Variants in TNS3 observed in about 807,000 individuals in gnomAD.
TNS3 encodes tensin 3.
Under a neutral mutation model 140.9 loss-of-function variants are expected in TNS3, and 45 were observed. That is an observed-to-expected ratio of 0.32 (90% CI 0.25 to 0.41). The LOEUF (loss-of-function observed/expected upper bound fraction) is 0.41, where lower values mean the gene tolerates loss of function less well. Ranked by LOEUF, TNS3 falls within the 10% of genes least tolerant of loss-of-function variation. TNS3 has a pLI of 1.00. For synonymous variants in TNS3, 815 were observed against 788.4 expected, an observed-to-expected ratio of 1.03 and a Z score of -0.56; for missense variants, 1,716 against 1,906.7, an observed-to-expected ratio of 0.90 and a Z score of 1.86.
At chr7:47,424,388 G>A (rs1032648157) in intron 9 of TNS3, among the ~76,000 whole-genome samples, 29 of 152,150 alleles carry the variant, frequency 1.9e-4, no homozygotes, top group African/African-American at 7.0e-4. Flanking sequence ...CTCAAAGTGG[G>A]AGCCATAGTG....
chr7:47,569,608 C>CT (rs1562862042), intron 1 of TNS3, among the ~76,000 whole-genome samples: 1 of 151,974 alleles, frequency 6.6e-6, no homozygotes, highest in African/African-American at 2.4e-5. Context: ...AATCCTAACA[C>CT]TTTGGGAGGC....
chr7:47,549,020 AG>A (rs1405104609), intron 1 of TNS3, among the ~76,000 whole-genome samples: 1 of 152,134 alleles, frequency 6.6e-6, no homozygotes, highest in Non-Finnish European at 1.5e-5. Flanking sequence ...AGCCCCAAAA[AG>A]GCCCAGTTCC....
At chr7:47,482,244 G>A (rs1797447676) in intron 3 of TNS3, among the ~76,000 whole-genome samples, 1 of 152,180 alleles carries the variant, frequency 6.6e-6, no homozygotes, top group African/African-American at 2.4e-5. Flanking sequence ...GTTTGGAGTG[G>A]GCGGCGGCGT....
chr7:47,372,209 C>T (rs371458723), intron 16 of TNS3, among the ~76,000 whole-genome samples: 45 of 152,356 alleles, frequency 3.0e-4, no homozygotes, highest in Non-Finnish European at 4.3e-4. Context: ...GTCCCTCCCA[C>T]GCCTGGCGGG....
At chr7:47,465,431 C>G (rs1796665962) in intron 4 of TNS3, among the ~76,000 whole-genome samples, 1 of 152,184 alleles carries the variant, frequency 6.6e-6, no homozygotes, top group Non-Finnish European at 1.5e-5. Flanking sequence ...TGCCTAAACA[C>G]ATCATCTGCG....
intron 3 of TNS3, among the ~76,000 whole-genome samples, chr7:47,501,079 GACAA>G (rs1270165666): frequency 2.0e-5 from 3 of 150,406 alleles, no homozygotes; most frequent in Non-Finnish European, 2.9e-5. Context: ...AGGGAAGAAA[GACAA>G]ACAGAAAGAG....
chr7:47,453,142 G>A, intron 4 of TNS3: 3 of 985,682 alleles, frequency 3.0e-6, no homozygotes, highest in Non-Finnish European at 3.6e-6. Context: ...ACCACAGCCA[G>A]GAGCAGCTGG....
intron 10 of TNS3, among the ~76,000 whole-genome samples, chr7:47,422,757 C>T (rs1010302285): frequency 7.9e-5 from 12 of 152,094 alleles, no homozygotes; most frequent in Non-Finnish European, 1.3e-4. Context: ...TTCCTGTGTG[C>T]CAAGCATTCT....
intron 20 of TNS3, among the ~76,000 whole-genome samples, chr7:47,322,062 T>C (rs1257164394): frequency 1.3e-5 from 2 of 151,988 alleles, no homozygotes; most frequent in Admixed American, 6.6e-5. Flanking sequence ...GCTAAAGAAC[T>C]GTAAAAGCAT....
At position 47,345,036 on chromosome 7, in the gene TNS3, C is replaced by G. The variant is rs753730044; in HGVS notation, c.2454G>C (p.Thr818=). ...PFPSPADVKE[T]MTPGYPQDLD... ...GGTCCTGGGGATAGCCAGGGGTCAT[C>G]GTCTGAAATTGGCACAGGGAGTAGA... is the stretch of plus-strand genomic sequence containing the variant. The change falls in exon 19 of 31, where the codon ACG becomes ACC. Residue 818 remains threonine (T), a splice_region_variant and synonymous_variant. Transcript: ENST00000311160. 6 of 1,613,044 alleles carry G rather than the reference C, an allele frequency of 3.7e-6. No individual in the cohort carries two copies. The highest frequency in any genetic ancestry group is 1.3e-5 in the African/African-American group (1 of 74,906).
chr7:47,498,621 T>C (rs1187620004), intron 3 of TNS3, among the ~76,000 whole-genome samples: 1 of 152,258 alleles, frequency 6.6e-6, no homozygotes, highest in African/African-American at 2.4e-5. Context: ...CAAAAGATCA[T>C]AATTCTCTTT....
intron 4 of TNS3, among the ~76,000 whole-genome samples, chr7:47,479,175 T>C (rs1209173840): frequency 1.3e-5 from 2 of 152,196 alleles, no homozygotes; most frequent in African/African-American, 4.8e-5. Flanking sequence ...CTCTGGCCTG[T>C]CTGACAGCCC....
At position 47,295,700 on chromosome 7, in the gene TNS3, C is replaced by T. The variant is rs543679000; in HGVS notation, c.3676+1382G>A. Among the ~76,000 whole-genome samples, 3 of 152,286 alleles carry T rather than the reference C, an allele frequency of 2.0e-5. No homozygotes were observed. In the East Asian group the frequency reaches 5.8e-4, roughly 29 times the overall value. On this transcript the variant is annotated intron_variant, in intron 24 of 30. Transcript: ENST00000311160. ...GAGCCCCGGGTCTTTCCCAGCCTCA[C>T]TCCCCACCCCTTCCACTCTCACACC...
intron 4 of TNS3, among the ~76,000 whole-genome samples, chr7:47,450,902 C>T (rs1370332941): frequency 6.6e-6 from 1 of 151,982 alleles, no homozygotes; most frequent in Non-Finnish European, 1.5e-5. Context: ...TTTGGGAGGC[C>T]AAGGCAGGGG....
At chr7:47,542,876 GC>G in intron 1 of TNS3, among the ~76,000 whole-genome samples, 1 of 148,390 alleles carries the variant, frequency 6.7e-6, no homozygotes, top group Non-Finnish European at 1.5e-5. Flanking sequence ...GTTGCAGTGA[GC>G]CGAGATCACG....
intron 9 of TNS3, among the ~76,000 whole-genome samples, chr7:47,426,091 T>G (rs143712519): frequency 0.011 from 1,608 of 150,716 alleles, 29 homozygotes; most frequent in African/African-American, 0.037. Context: ...GACCAGCCTG[T>G]CCAACATGGT....
At chr7:47,497,697 A>ACACACACACACACACACACACACG (rs139313048) in intron 3 of TNS3, among the ~76,000 whole-genome samples, 17 of 148,520 alleles carry the variant, frequency 1.1e-4, no homozygotes, top group African/African-American at 1.7e-4. Flanking sequence ...ACACACACAC[A>ACACACACACACACACACACACACG]GAGCAGGAAA....
At chr7:47,384,707 C>G (rs781132603) in intron 16 of TNS3, among the ~76,000 whole-genome samples, 2 of 152,120 alleles carry the variant, frequency 1.3e-5, no homozygotes, top group Non-Finnish European at 2.9e-5. Flanking sequence ...CTGCATGTAT[C>G]CAGCCCTTCC....
Position 47,428,375 on chromosome 7 carries a change from C to A in TNS3, c.326G>T (p.Gly109Val). The change falls in exon 9 of 31, where the codon GGC becomes GTC. Residue 109 changes from glycine (G) to valine (V), a missense_variant and splice_region_variant. Physicochemically the swap from Gly to Val is moderately radical, Grantham distance 109 (BLOSUM62 -3). Transcript: ENST00000311160. ...LQHVVVIHCR[G>V]GKGRIGVVIS... ...GACCACTCCTATGCGTCCTTTCCCG[C>A]CCTGCAGGAGACAAAAGATCAGCTG... 7.0e-7 allele frequency: 1 copy of A among 1,427,418 alleles called. No homozygotes were observed. The highest frequency in any genetic ancestry group is 9.2e-7 in the Non-Finnish European group (1 of 1,083,856). The allele number at this position is 1,427,418 out of a possible 1,614,324, so 88.4% of individuals were successfully genotyped here. A position where few individuals can be genotyped will look rare whatever the true frequency, so the allele number is the denominator to read the frequency against.
Sources: allele counts gnomAD v4.1 joint callset (sites outside exome capture counted in the v4.1 genomes callset), GRCh38; gene constraint gnomAD v4.1.1; transcripts MANE v1.5; gene names NCBI Gene and HGNC (gene_info 2026-07-23, HGNC 2026-07-21).